DACH1: variants seen among roughly 807,000 people sequenced by gnomAD.
DACH1 encodes dachshund family transcription factor 1, also known as dachshund homolog 1.
Under a neutral mutation model 54.2 loss-of-function variants are expected in DACH1, and 12 were observed. The observed-to-expected ratio is 0.22, with a 90% CI of 0.14 to 0.36. The LOEUF (loss-of-function observed/expected upper bound fraction) is 0.36. Among genes scored for constraint, DACH1 ranks in the 10% least tolerant of loss-of-function variants. The pLI is 1.00. For synonymous variants in DACH1, 386 were observed against 366.2 expected, an observed-to-expected ratio of 1.05 and a Z score of -0.62; for missense variants, 805 against 929.8, an observed-to-expected ratio of 0.87 and a Z score of 1.75.
At chr13:71,561,923 T>C (rs1884608572) in intron 4 of DACH1, among the ~76,000 whole-genome samples, 1 of 151,194 alleles carries the variant, frequency 6.6e-6, no homozygotes, top group Admixed American at 6.6e-5. Context: ...CCCAAATCCA[T>C]GTCATAAAAT....
chr13:71,781,385 TA>T (rs1886369243), intron 1 of DACH1, among the ~76,000 whole-genome samples: 3 of 150,156 alleles, frequency 2.0e-5, no homozygotes, highest in Admixed American at 1.3e-4. Context: ...TTTATTTATT[TA>T]TTTATTTTTT....
At chr13:71,827,747 G>C (rs529120225) in intron 1 of DACH1, among the ~76,000 whole-genome samples, 1 of 152,176 alleles carries the variant, frequency 6.6e-6, no homozygotes, top group African/African-American at 2.4e-5. Context: ...GCCAGTTGAA[G>C]AAGTGAGAAA....
Position 71,458,413 on chromosome 13 carries a change from C to G in DACH1, c.2083+16728G>C, listed in dbSNP as rs148953651. Among the ~76,000 whole-genome samples, 677 of 152,028 alleles carry G rather than the reference C, an allele frequency of 4.5e-3. 4 individuals carry two copies. The highest frequency in any genetic ancestry group is 7.6e-3 in the Non-Finnish European group (515 of 67,834). On this transcript the variant is annotated intron_variant, in intron 10 of 10. Coordinates refer to ENST00000613252, the MANE Select transcript of DACH1 (RefSeq NM_080759.6). ...AGTTGGAATGTACTCTGACAGTTGC[C>G]TGTACTCTGAAAGCAATTTATATGC...
intron 3 of DACH1, among the ~76,000 whole-genome samples, chr13:71,597,975 G>A (rs1006448927): frequency 6.6e-6 from 1 of 151,540 alleles, no homozygotes; most frequent in Non-Finnish European, 1.5e-5. Flanking sequence ...AAAAATATGG[G>A]AGGCTGAGGT....
intron 1 of DACH1, among the ~76,000 whole-genome samples, chr13:71,799,607 G>C (rs1887206753): frequency 6.6e-6 from 1 of 151,996 alleles, no homozygotes; most frequent in Non-Finnish European, 1.5e-5. Context: ...CACTGTGTTG[G>C]CAAGAAAAGA....
chr13:71,616,944 C>T (rs1277915123), intron 3 of DACH1, among the ~76,000 whole-genome samples: 3 of 149,348 alleles, frequency 2.0e-5, no homozygotes, highest in Non-Finnish European at 4.4e-5. Context: ...TGCAATGGCG[C>T]GATCTTGGCT....
chr13:71,748,174 GAA>G (rs757833092), intron 1 of DACH1, among the ~76,000 whole-genome samples: 3 of 140,470 alleles, frequency 2.1e-5, no homozygotes, highest in Middle Eastern at 3.5e-3. Flanking sequence ...ATTGGGATCT[GAA>G]AAAAAAAAAA....
intron 6 of DACH1, among the ~76,000 whole-genome samples, chr13:71,537,856 A>G (rs769931573): frequency 6.6e-6 from 1 of 152,122 alleles, no homozygotes; most frequent in Non-Finnish European, 1.5e-5. Context: ...TCTGTTTACT[A>G]GACAAACATA....
chr13:71,471,332 T>A (rs1287107582), intron 10 of DACH1, among the ~76,000 whole-genome samples: 2 of 151,784 alleles, frequency 1.3e-5, no homozygotes, highest in Non-Finnish European at 2.9e-5. Flanking sequence ...AGAGGATACA[T>A]ACCGTTTTGT....
chr13:71,610,884 A>C (rs903915656), intron 3 of DACH1, among the ~76,000 whole-genome samples: 2 of 152,186 alleles, frequency 1.3e-5, no homozygotes, highest in African/African-American at 4.8e-5. Context: ...TTTAATTCTG[A>C]AATATTTTAT....
intron 1 of DACH1, among the ~76,000 whole-genome samples, chr13:71,814,553 C>T (rs1399082459): frequency 6.6e-6 from 1 of 152,090 alleles, no homozygotes; most frequent in Admixed American, 6.6e-5. Flanking sequence ...AATTTTAAAG[C>T]ATTAAAGGAC....
At chr13:71,826,409 C>T (rs1024229372) in intron 1 of DACH1, among the ~76,000 whole-genome samples, 1 of 152,030 alleles carries the variant, frequency 6.6e-6, no homozygotes, top group Non-Finnish European at 1.5e-5. Flanking sequence ...CTACACAAAA[C>T]CATTTCTTAT....
At chr13:71,853,527 CTG>C (rs1379683237) in intron 1 of DACH1, among the ~76,000 whole-genome samples, 1 of 152,120 alleles carries the variant, frequency 6.6e-6, no homozygotes, top group East Asian at 1.9e-4. Context: ...TCACATGACA[CTG>C]TTTATTATTA....
intron 3 of DACH1, among the ~76,000 whole-genome samples, chr13:71,610,528 T>C (rs1405220767): frequency 6.6e-6 from 1 of 152,144 alleles, no homozygotes; most frequent in Non-Finnish European, 1.5e-5. Context: ...AGAGAGAGCA[T>C]CTGCATAAAT....
chr13:71,842,967 A>C (rs1160770011), intron 1 of DACH1, among the ~76,000 whole-genome samples: 1 of 152,234 alleles, frequency 6.6e-6, no homozygotes, highest in African/African-American at 2.4e-5. Flanking sequence ...ATAACATTTT[A>C]TAATTTATGG....
intron 1 of DACH1, among the ~76,000 whole-genome samples, chr13:71,735,582 TGTATATGGGATATAC>T (rs1182106146): frequency 2.0e-4 from 13 of 66,614 alleles, no homozygotes; most frequent in African/African-American, 5.2e-4. Flanking sequence ...GGGATATACG[TGTATATGGGATATAC>T]GTATATGGGA....
intron 6 of DACH1, among the ~76,000 whole-genome samples, chr13:71,493,924 A>C (rs188977662): frequency 1.3e-5 from 2 of 152,298 alleles, no homozygotes; most frequent in East Asian, 3.9e-4. Context: ...AGAACAAGTT[A>C]TTAATTACTT....
chr13:71,690,489 C>A (rs1490877261), intron 1 of DACH1, among the ~76,000 whole-genome samples: 1 of 152,146 alleles, frequency 6.6e-6, no homozygotes, highest in African/African-American at 2.4e-5. Context: ...TTACTAGAAT[C>A]CCCTAAAGAA....
chr13:71,657,031 TATAC>T (rs1879154731), intron 2 of DACH1, among the ~76,000 whole-genome samples: 9 of 148,542 alleles, frequency 6.1e-5, no homozygotes, highest in Admixed American at 6.1e-4. Flanking sequence ...CACACATATA[TATAC>T]ATAAACATGT....
Sources: allele counts gnomAD v4.1 joint callset (sites outside exome capture counted in the v4.1 genomes callset), GRCh38; gene constraint gnomAD v4.1.1; transcripts MANE v1.5; gene names NCBI Gene and HGNC (gene_info 2026-07-23, HGNC 2026-07-21).